LAMB4: variants seen among roughly 807,000 people sequenced by gnomAD.
LAMB4 encodes the protein laminin subunit beta 4.
In LAMB4, 196 loss-of-function variants were observed where a neutral mutation model predicts 199.2. The observed-to-expected ratio is 0.98, with a 90% CI of 0.88 to 1.11. The LOEUF is 1.11. Ranked by LOEUF, LAMB4 falls within the 50% of genes least tolerant of loss-of-function variation. The pLI, the probability that LAMB4 is intolerant of heterozygous loss-of-function variation, is 0.00. For missense variants in LAMB4, 2,080 were observed against 2,171.2 expected, an observed-to-expected ratio of 0.96 and a Z score of 0.83; for synonymous variants, 744 against 770.6, an observed-to-expected ratio of 0.97 and a Z score of 0.57.
chr7:108,081,076 C>T (rs1326486332), intron 14 of LAMB4, among the ~76,000 whole-genome samples: 5 of 152,082 alleles, frequency 3.3e-5, no homozygotes, highest in African/African-American at 9.7e-5. Flanking sequence ...GAGTCGAGAT[C>T]GCGCCACTGC....
At chr7:108,073,129 C>G (rs934927766) in intron 17 of LAMB4, among the ~76,000 whole-genome samples, 5 of 152,204 alleles carry the variant, frequency 3.3e-5, no homozygotes, top group Non-Finnish European at 7.3e-5. Flanking sequence ...CTCAGCCTCC[C>G]CAAGTAGCTG....
chr7:108,103,248 A>G lies in LAMB4; in HGVS notation c.992-16T>C. ...CAGCTGCACGCTGAAAGGAGAAGACAGTGACTGAGAGGTAGACTAAGGCCT... is the reference window on the plus strand; with the variant it reads ...CAGCTGCACGCTGAAAGGAGAAGACGGTGACTGAGAGGTAGACTAAGGCCT... On this transcript the variant is annotated splice_polypyrimidine_tract_variant and intron_variant, in intron 9 of 33. Coordinates refer to ENST00000388781, the MANE Select transcript of LAMB4 (RefSeq NM_007356.3). 1.3e-6 allele frequency: 2 copies of G among 1,532,940 alleles called. No individual in the cohort carries two copies. The highest frequency in any genetic ancestry group is 1.8e-6 in the Non-Finnish European group (2 of 1,135,700). The allele number at this position is 1,532,940 out of a possible 1,614,324, so 95.0% of individuals were successfully genotyped here.
At chr7:108,067,802 A>T (rs868189660) in intron 19 of LAMB4, among the ~76,000 whole-genome samples, 3 of 152,190 alleles carry the variant, frequency 2.0e-5, no homozygotes, top group Non-Finnish European at 2.9e-5. Flanking sequence ...CTCGGTTCCT[A>T]ATGCAGCTCT....
chr7:108,112,591 C>A (rs1235700039), intron 3 of LAMB4, among the ~76,000 whole-genome samples: 2 of 152,196 alleles, frequency 1.3e-5, no homozygotes, highest in African/African-American at 2.4e-5. Context: ...CTGACCCCAG[C>A]CTGCTTAGGA....
intron 28 of LAMB4, among the ~76,000 whole-genome samples, chr7:108,044,734 C>T (rs906000272): frequency 1.3e-5 from 2 of 152,088 alleles, no homozygotes; most frequent in African/African-American, 4.8e-5. Context: ...AGACAGATCA[C>T]TTGAGGTTAG....
At chr7:108,063,699 C>A in intron 22 of LAMB4, 62 bp downstream of exon 22, 3 of 1,409,930 alleles carry the variant, frequency 2.1e-6, no homozygotes, top group Non-Finnish European at 3.0e-6. Flanking sequence ...GGAGAGCTGA[C>A]AACACACTTA....
chr7:108,127,118 A>C (rs2150708906), intron 1 of LAMB4, among the ~76,000 whole-genome samples: 1 of 151,688 alleles, frequency 6.6e-6, no homozygotes, highest in Middle Eastern at 3.5e-3. Flanking sequence ...ATTCCCTTCT[A>C]AGAGAAGGGC....
In LAMB4 at chr7:108,062,860, C is replaced by A; in HGVS notation, c.3196G>T (p.Asp1066Tyr). The A allele has an allele frequency of 6.3e-7, 1 of 1,588,596 alleles. No individual in the cohort carries two copies. Among genetic ancestry groups the A allele is most frequent in the Admixed American group, 1.8e-5 (1 of 55,348 alleles). The change falls in exon 23 of 34, where the codon GAT becomes TAT. Residue 1066 changes from aspartate (D) to tyrosine (Y), a missense_variant. Transcript: ENST00000388781. ...CCAGGGACCAGATTCCAGTATCCAT[C>A]AGCACAACGGTCACAGGCCAGGCCT... Reference protein sequence around the residue: ...VTGLACDRCADGYWNLVPGRG... With the variant: ...VTGLACDRCAYGYWNLVPGRG...
In LAMB4 at chr7:108,091,682, T is replaced by C; in HGVS notation, c.1645A>G (p.Asn549Asp). Residue 549 changes from asparagine (N) to aspartate (D), a missense_variant, in exon 14 of 34, where the codon AAT becomes GAT. By Grantham distance (23) the Asn-to-Asp change is conservative. Transcript: ENST00000388781. ...PAPGYFFAPL[N>D]FYLYEAEEAT... ...TCCTCTGCCTCGTAGAGATAGAAAT[T>C]CAAAGGAGCAAAGAAGTAGCCAGGG... 6.2e-7 allele frequency: 1 copy of C among 1,614,152 alleles called. No individual in the cohort carries two copies. The highest frequency in any genetic ancestry group is 1.7e-5 in the Admixed American group (1 of 60,020).
At chr7:108,034,376 GA>G in intron 30 of LAMB4, 30 bp from the exon 31 acceptor site, 1 of 1,517,222 alleles carries the variant, frequency 6.6e-7, no homozygotes, top group Non-Finnish European at 9.2e-7. Context: ...TATCAGATTA[GA>G]TAAATACACA....
At chr7:108,079,112 T>C (rs1166755400) in intron 15 of LAMB4, among the ~76,000 whole-genome samples, 1 of 152,214 alleles carries the variant, frequency 6.6e-6, no homozygotes, top group East Asian at 1.9e-4. Flanking sequence ...CTGTTTTAGA[T>C]ATTTCTTAAA....
At position 108,066,513 on chromosome 7, in the gene LAMB4, C is replaced by T. The variant is rs199518603; in HGVS notation, c.2534G>A (p.Arg845His). 135 of 1,613,908 alleles carry T rather than the reference C, an allele frequency of 8.4e-5. No individual in the cohort carries two copies. Among genetic ancestry groups the T allele is most frequent in the Middle Eastern group, 8.2e-4 (5 of 6,084 alleles). Residue 845 changes from arginine to histidine, a missense_variant, in exon 20 of 34, where the codon CGC (arginine) becomes CAC (histidine). Physicochemically the swap from Arg to His is conservative, Grantham distance 29 (BLOSUM62 0). Coordinates refer to ENST00000388781, the MANE Select transcript of LAMB4 (RefSeq NM_007356.3). The part of the protein sequence containing the change: ...QCPCHGEVSG[R>H]RCDRCLAGYF... ...GCCTGCCAGGCAGCGATCACAGCGG[C>T]GGCCAGACACCTCTCCATGGCAGGG... is the stretch of plus-strand genomic sequence containing the variant.
chr7:108,029,256 T>A, intron 32 of LAMB4, 60 bp from the exon 33 acceptor site: 1 of 1,439,206 alleles, frequency 6.9e-7, no homozygotes, highest in Non-Finnish European at 9.5e-7. Flanking sequence ...CATATATGCA[T>A]GATGATTCTC....
intron 1 of LAMB4, among the ~76,000 whole-genome samples, chr7:108,127,952 TA>T (rs1424014129): frequency 6.6e-6 from 1 of 152,164 alleles, no homozygotes; most frequent in African/African-American, 2.4e-5. Flanking sequence ...ACCTGTGGTC[TA>T]AAAGGAATGT....
downstream of LAMB4, among the ~76,000 whole-genome samples, chr7:108,022,007 T>C (rs1342473965): frequency 2.2e-5 from 3 of 136,644 alleles, no homozygotes; most frequent in Admixed American, 6.7e-5. Flanking sequence ...GAGAGAGTGA[T>C]ACAAGACAGA....
In LAMB4 at chr7:108,098,386, C is replaced by G. The variant is rs769274024; in HGVS notation, c.1360+17G>C. The G allele has an allele frequency of 6.0e-6, 9 of 1,489,178 alleles. No individual in the cohort carries two copies. Among genetic ancestry groups the G allele is most frequent in the Non-Finnish European group, 8.1e-6 (9 of 1,112,456 alleles). The allele number at this position is 1,489,178 out of a possible 1,614,324, so 92.2% of individuals were successfully genotyped here. The stretch of plus-strand genomic sequence containing the variant: ...GGGGTTGATGGACACTCCCCCGACC[C>G]CCGATTATGGACTTACGCTGGCAGC... On this transcript the variant is annotated intron_variant, in intron 11 of 33. Coordinates refer to ENST00000388781, the MANE Select transcript of LAMB4 (RefSeq NM_007356.3).
chr7:108,106,020 A>G lies in LAMB4; in HGVS notation c.667T>C (p.Leu223=). ...YSPYIQDLVT[L]TNLRINFTKL... Reference sequence around the variant, plus strand: ...GTAAAGTTTATCCTCAGGTTTGTCAATGTCACAAGGTCTAAAGAAAGGAAA... The same window carrying G: ...GTAAAGTTTATCCTCAGGTTTGTCAGTGTCACAAGGTCTAAAGAAAGGAAA... The change falls in exon 8 of 34, where the codon TTG becomes CTG. Residue 223 remains leucine (L), a synonymous_variant. Transcript: ENST00000388781. 1.2e-6 allele frequency: 2 copies of G among 1,613,902 alleles called. No individual in the cohort carries two copies. The highest frequency in any genetic ancestry group is 3.3e-5 in the Admixed American group (2 of 60,022).
intron 17 of LAMB4, among the ~76,000 whole-genome samples, chr7:108,076,600 G>T (rs527862132): frequency 1.3e-5 from 2 of 152,238 alleles, no homozygotes; most frequent in South Asian, 4.1e-4. Context: ...GTGGCTCAGG[G>T]CAGGGATGTG....
chr7:108,083,185 T>C (rs1481800150), intron 14 of LAMB4, among the ~76,000 whole-genome samples: 2 of 152,196 alleles, frequency 1.3e-5, no homozygotes, highest in African/African-American at 4.8e-5. Context: ...CCTTCTGTAG[T>C]CTGAAAGTGC....
Sources: allele counts gnomAD v4.1 joint callset (sites outside exome capture counted in the v4.1 genomes callset), GRCh38; gene constraint gnomAD v4.1.1; transcripts MANE v1.5; gene names NCBI Gene and HGNC (gene_info 2026-07-23, HGNC 2026-07-21).